Variants in SLC30A5 observed in about 807,000 individuals in gnomAD.
SLC30A5 encodes the protein solute carrier family 30 member 5, also known as proton-coupled zinc antiporter SLC30A5.
In SLC30A5, 33 loss-of-function variants were observed where a neutral mutation model predicts 79.6. The ratio of observed to expected loss-of-function variants is 0.41; its 90% CI spans 0.31 to 0.55. The LOEUF (loss-of-function observed/expected upper bound fraction) is 0.55. Ranked by LOEUF, SLC30A5 falls within the 20% of genes least tolerant of loss-of-function variation. The pLI is 0.20. For synonymous variants in SLC30A5, 299 were observed against 319.7 expected (o/e 0.94, Z 0.69); for missense variants, 788 against 928.1 (o/e 0.85, Z 1.96).
intron 5 of SLC30A5, among the ~76,000 whole-genome samples, chr5:69,110,475 C>T (rs2111964275): frequency 6.6e-6 from 1 of 152,316 alleles, no homozygotes; most frequent in South Asian, 2.1e-4. Context: ...AGATTTCAAA[C>T]TGGGTCATTA....
intron 5 of SLC30A5, among the ~76,000 whole-genome samples, chr5:69,110,097 A>AC (rs1290859491): frequency 6.6e-5 from 10 of 152,176 alleles, no homozygotes; most frequent in African/African-American, 2.4e-4. Context: ...AACATGAGTA[A>AC]ACGAGCTATT....
At chr5:69,103,964 A>G in intron 3 of SLC30A5, 1 of 1,550,118 alleles carries the variant, frequency 6.5e-7, no homozygotes, top group Non-Finnish European at 8.8e-7. Flanking sequence ...CCTTTCAGAT[A>G]ATTGGATCAC....
chr5:69,101,824 G>C (rs2111939401), intron 2 of SLC30A5, among the ~76,000 whole-genome samples: 1 of 151,014 alleles, frequency 6.6e-6, no homozygotes, highest in South Asian at 2.1e-4. Flanking sequence ...AAGCGTGGTG[G>C]CATGTGCCTG....
chr5:69,101,185 A>G (rs1745906580), intron 2 of SLC30A5, among the ~76,000 whole-genome samples: 1 of 152,084 alleles, frequency 6.6e-6, no homozygotes, highest in South Asian at 2.1e-4. Context: ...TTTTTGGGCT[A>G]TTTATTATTA....
chr5:69,111,339 C>T (rs1469267358), intron 5 of SLC30A5, among the ~76,000 whole-genome samples: 21 of 132,044 alleles, frequency 1.6e-4, no homozygotes, highest in African/African-American at 6.1e-4. Context: ...GAGTTTCACT[C>T]TGTCACCCAG....
rs1169379826 is a variant in SLC30A5, at chr5:69,123,248, C to T, written c.1821C>T (p.Ile607=). The change falls in exon 14 of 16, where the codon ATC becomes ATT. Residue 607 remains isoleucine (I), a synonymous_variant. Transcript: ENST00000396591. ...LADTLGSIGV[I]VSTVLIEQFG... ...ATACACTTGGCAGCATTGGTGTGATCGTATCCACAGTTCTTATAGAGCAGT... is the reference window on the plus strand; with the variant it reads ...ATACACTTGGCAGCATTGGTGTGATTGTATCCACAGTTCTTATAGAGCAGT... 5.6e-6 allele frequency: 9 copies of T among 1,613,572 alleles called. No individual in the cohort carries two copies. The highest frequency in any genetic ancestry group is 6.8e-6 in the Non-Finnish European group (8 of 1,179,836).
chr5:69,115,414 T>A lies in SLC30A5; in HGVS notation c.783+7T>A, dbSNP rs1746340721. 6.2e-7 allele frequency: 1 copy of A among 1,604,728 alleles called. No homozygotes were observed. Among genetic ancestry groups the A allele is most frequent in the Admixed American group, 1.7e-5 (1 of 59,526 alleles). On this transcript the variant is annotated splice_region_variant and intron_variant, in intron 8 of 15. Coordinates refer to ENST00000396591, the MANE Select transcript of SLC30A5 (RefSeq NM_022902.5). The stretch of plus-strand genomic sequence containing the variant: ...TCTTTCTGTGACAACTGAGGTAAGA[T>A]AAGAGCAAGAATTTATTGGTATTAA...
At chr5:69,120,326 A>G (rs1027403436) in intron 12 of SLC30A5, among the ~76,000 whole-genome samples, 3 of 151,762 alleles carry the variant, frequency 2.0e-5, no homozygotes, top group Non-Finnish European at 2.9e-5. Context: ...AGAGGTTGCA[A>G]TAAGCCGAGA....
In SLC30A5 at chr5:69,114,461, A is replaced by G. The variant is rs79018248; in HGVS notation, c.577A>G (p.Thr193Ala). 4.3e-6 allele frequency: 7 copies of G among 1,610,256 alleles called. No individual in the cohort carries two copies. The highest frequency in any genetic ancestry group is 3.3e-5 in the South Asian group (3 of 90,988). The change falls in exon 7 of 16, where the codon ACA (threonine) becomes GCA (alanine). Residue 193 changes from threonine (T) to alanine (A), a missense_variant. Around this residue, in one of 3 missense-constraint regions of SLC30A5, gnomAD observed 626 missense variants for 755.5 expected, o/e 0.83. Transcript: ENST00000396591. ...HDSALTHMLY[T>A]AIAFLGVADH... ...CAGTGCTCTAACTCATATGCTTTAC[A>G]CAGCCATTGCCTTCTTAGGTGTGGC... is the stretch of plus-strand genomic sequence containing the variant.
intron 12 of SLC30A5, 148 bp from the exon 13 acceptor site, chr5:69,121,546 T>C (rs1746532464): frequency 1.8e-6 from 1 of 548,396 alleles, no homozygotes; most frequent in Non-Finnish European, 3.2e-6. Flanking sequence ...TTTTTAAAAT[T>C]TTGGACTTAC....
rs192952731 is a variant in SLC30A5, at chr5:69,112,930, A to C, written c.448-210A>C. On this transcript the variant is annotated intron_variant, in intron 5 of 15. Transcript: ENST00000396591. ...TGTTAGCAAAGAGATAATCAATGTT[A>C]TCATTAGTTTATATCTCTTTGATAT... is the stretch of plus-strand genomic sequence containing the variant. 1.5e-3 allele frequency among the ~76,000 whole-genome samples: 229 copies of C among 152,336 alleles called. 2 individuals are homozygous for C. The highest frequency in any genetic ancestry group is 5.3e-3 in the African/African-American group (222 of 41,578).
chr5:69,127,973 G>T, intron 14 of SLC30A5, 31 bp from the exon 15 acceptor site: 1 of 1,584,786 alleles, frequency 6.3e-7, no homozygotes, highest in South Asian at 1.1e-5. Context: ...TAGCCTGTAT[G>T]ACCATTTATA....
At chr5:69,119,008 C>A (rs1055036250) in intron 12 of SLC30A5, among the ~76,000 whole-genome samples, 20 of 151,984 alleles carry the variant, frequency 1.3e-4, no homozygotes, top group African/African-American at 3.6e-4. Flanking sequence ...GCCATGTTGG[C>A]CAGGCTGGTC....
intron 1 of SLC30A5, among the ~76,000 whole-genome samples, chr5:69,096,247 G>C (rs1745727281): frequency 1.3e-5 from 2 of 152,138 alleles, no homozygotes. Flanking sequence ...GAGGGAGAGA[G>C]AATAATAAAA....
intron 11 of SLC30A5, 54 bp from the exon 12 acceptor site, chr5:69,118,445 T>C: frequency 1.3e-6 from 2 of 1,498,158 alleles, no homozygotes; most frequent in Middle Eastern, 4.6e-4. Context: ...ATAAAGTTTA[T>C]ACTTTAAAAA....
rs974003459 is a variant in SLC30A5 at position 69,118,132 on chromosome 5, G to A, written c.1440-367G>A. Among the ~76,000 whole-genome samples, 14 of 146,264 alleles carry A rather than the reference G, an allele frequency of 9.6e-5. 1 individual carries two copies. Among genetic ancestry groups the A allele is most frequent in the African/African-American group, 2.8e-4 (11 of 39,594 alleles). ...GCGGAGCTTTCAGTGAGCCAAGATCGTGCCACTGCACTCCAGCCTGGGTGA... is the reference window on the plus strand; with the variant it reads ...GCGGAGCTTTCAGTGAGCCAAGATCATGCCACTGCACTCCAGCCTGGGTGA... On this transcript the variant is annotated intron_variant, in intron 11 of 15. Coordinates refer to ENST00000396591, the MANE Select transcript of SLC30A5 (RefSeq NM_022902.5).
intron 8 of SLC30A5, 57 bp from the exon 9 acceptor site, chr5:69,115,868 TG>T: frequency 7.3e-7 from 1 of 1,372,454 alleles, no homozygotes; most frequent in African/African-American, 1.5e-5. Flanking sequence ...AGAAACATCT[TG>T]TAAGATGTGA....
intron 1 of SLC30A5, 131 bp from the exon 2 acceptor site, chr5:69,100,676 C>G: frequency 1.4e-5 from 8 of 590,728 alleles, no homozygotes; most frequent in Non-Finnish European, 1.4e-5. Context: ...TTTGGGGACT[C>G]TGTTTTGTTT....
chr5:69,115,458 T>C, intron 8 of SLC30A5, 51 bp downstream of exon 8: 1 of 1,438,034 alleles, frequency 7.0e-7, no homozygotes, highest in Non-Finnish European at 9.5e-7. Context: ...TAAAATGAAT[T>C]GCTATTAAAT....
Sources: allele counts gnomAD v4.1 joint callset (sites outside exome capture counted in the v4.1 genomes callset), GRCh38; gene constraint gnomAD v4.1.1; regional missense constraint gnomAD v4.1.1; transcripts MANE v1.5; gene names NCBI Gene and HGNC (gene_info 2026-07-23, HGNC 2026-07-21).